CERKL: variants seen among roughly 807,000 people sequenced by gnomAD.
CERKL encodes CERK like autophagy regulator.
A neutral mutation model predicts 63.4 loss-of-function variants in CERKL; 61 were observed. The observed-to-expected ratio is 0.96, with a 90% CI of 0.78 to 1.19. CERKL has a LOEUF of 1.19. CERKL is among the 50% of genes most tolerant of loss of function. The pLI, the probability that CERKL is intolerant of heterozygous loss-of-function variation, is 0.00. For synonymous variants in CERKL, 250 were observed against 230.5 expected (o/e 1.08, Z -0.77); for missense variants, 675 against 655.5 (o/e 1.03, Z -0.33).
intron 1 of CERKL, among the ~76,000 whole-genome samples, chr2:181,628,685 AT>A (rs1686818432): frequency 6.6e-6 from 1 of 152,092 alleles, no homozygotes; most frequent in South Asian, 2.1e-4. Flanking sequence ...GCGCAAGTTC[AT>A]TTTCCTTTTA....
At chr2:181,572,341 T>G (rs971744772) in intron 3 of CERKL, among the ~76,000 whole-genome samples, 1 of 152,336 alleles carries the variant, frequency 6.6e-6, no homozygotes, top group East Asian at 1.9e-4. Flanking sequence ...CCAAGTATGA[T>G]AGCTTATTCA....
intron 2 of CERKL, among the ~76,000 whole-genome samples, chr2:181,576,494 C>G (rs898624523): frequency 6.6e-6 from 1 of 152,116 alleles, no homozygotes; most frequent in Non-Finnish European, 1.5e-5. Flanking sequence ...TTACTTTTAC[C>G]GAAACACGAC....
intron 10 of CERKL, among the ~76,000 whole-genome samples, chr2:181,546,410 T>C (rs990807625): frequency 6.6e-6 from 1 of 152,168 alleles, no homozygotes; most frequent in African/African-American, 2.4e-5. Flanking sequence ...AACTACATTA[T>C]GAAAGCACAC....
At chr2:181,549,258 A>G (rs970491381) in intron 6 of CERKL, among the ~76,000 whole-genome samples, 5 of 152,100 alleles carry the variant, frequency 3.3e-5, no homozygotes, top group Non-Finnish European at 5.9e-5. Flanking sequence ...TTTTCTGGTT[A>G]TGTTTTTTCA....
chr2:181,620,784 G>A (rs143799420), intron 1 of CERKL, among the ~76,000 whole-genome samples: 181 of 152,080 alleles, frequency 1.2e-3, no homozygotes, highest in African/African-American at 4.1e-3. Context: ...GGGAATAGAG[G>A]GAAGATAAAA....
At chr2:181,652,711 T>C (rs978292078) in intron 1 of CERKL, among the ~76,000 whole-genome samples, 2 of 151,492 alleles carry the variant, frequency 1.3e-5, no homozygotes, top group African/African-American at 2.4e-5. Context: ...TTGCAATCTA[T>C]ACATGCGACA....
chr2:181,646,186 G>A (rs1004096085), intron 1 of CERKL, among the ~76,000 whole-genome samples: 4 of 152,178 alleles, frequency 2.6e-5, no homozygotes, highest in African/African-American at 7.2e-5. Flanking sequence ...GGATTGGTGG[G>A]TGTTTAGAAA....
intron 1 of CERKL, among the ~76,000 whole-genome samples, chr2:181,654,203 T>C (rs1169151253): frequency 6.6e-6 from 1 of 150,848 alleles, no homozygotes; most frequent in Admixed American, 6.6e-5. Context: ...ACTTTGTGCC[T>C]CCCAAATTGA....
chr2:181,648,045 C>A (rs1390309275), intron 1 of CERKL, among the ~76,000 whole-genome samples: 2 of 151,650 alleles, frequency 1.3e-5, no homozygotes, highest in African/African-American at 2.4e-5. Context: ...AAAAACTAAG[C>A]AAAGAAATTT....
chr2:181,545,854 T>C (rs1687704658), intron 10 of CERKL, among the ~76,000 whole-genome samples: 1 of 152,202 alleles, frequency 6.6e-6, no homozygotes, highest in African/African-American at 2.4e-5. Context: ...TTACTTGAAA[T>C]AGAAACACAA....
At chr2:181,538,296 C>T (rs1030087021) in intron 12 of CERKL, 52 bp from the exon 13 acceptor site, 13 of 1,061,574 alleles carry the variant, frequency 1.2e-5, no homozygotes, top group Admixed American at 8.6e-5. Context: ...TTTTCACATA[C>T]ACCTAATAAG....
At chr2:181,646,429 C>G (rs915269225) in intron 1 of CERKL, among the ~76,000 whole-genome samples, 1 of 152,204 alleles carries the variant, frequency 6.6e-6, no homozygotes. Context: ...ACAGCTGATG[C>G]TGAATAATTA....
intron 10 of CERKL, 43 bp from the exon 11 acceptor site, chr2:181,544,839 G>C (rs748855871): frequency 8.4e-7 from 1 of 1,192,320 alleles, no homozygotes; most frequent in South Asian, 1.3e-5. Flanking sequence ...AATTTACTAA[G>C]AGATTATACC....
chr2:181,623,603 A>G (rs887396386), intron 1 of CERKL, among the ~76,000 whole-genome samples: 11 of 152,226 alleles, frequency 7.2e-5, no homozygotes, highest in Middle Eastern at 3.2e-3. Flanking sequence ...TTCCACACAG[A>G]GAAGCCTTTT....
chr2:181,639,893 C>T (rs907808423), intron 1 of CERKL, among the ~76,000 whole-genome samples: 1 of 152,226 alleles, frequency 6.6e-6, no homozygotes, highest in Non-Finnish European at 1.5e-5. Context: ...TAAGTGTTCA[C>T]TATTTTCAGT....
At chr2:181,608,869 A>T (rs1271885079) in intron 1 of CERKL, among the ~76,000 whole-genome samples, 1 of 152,202 alleles carries the variant, frequency 6.6e-6, no homozygotes, top group Non-Finnish European at 1.5e-5. Flanking sequence ...CCTAATAAAA[A>T]ATATGCAGTG....
chr2:181,588,650 G>A (rs1684862350), intron 2 of CERKL, among the ~76,000 whole-genome samples: 1 of 152,132 alleles, frequency 6.6e-6, no homozygotes, highest in Admixed American at 6.5e-5. Flanking sequence ...ACTTTAAACT[G>A]TTTGAGGAAC....
chr2:181,590,014 T>C (rs1344325922), intron 2 of CERKL, among the ~76,000 whole-genome samples: 1 of 151,956 alleles, frequency 6.6e-6, no homozygotes, highest in Non-Finnish European at 1.5e-5. Flanking sequence ...GAGAGAGGTT[T>C]TTCCCATGTT....
rs143861635 is a variant in CERKL at position 181,647,807 on chromosome 2, T to C, written c.238+8962A>G. 4.3e-3 allele frequency among the ~76,000 whole-genome samples: 657 copies of C among 151,984 alleles called. 2 individuals are homozygous for C. The highest frequency in any genetic ancestry group is 0.015 in the African/African-American group (637 of 41,450). ...ATGCCTGAAACAAAATTAAAAATAA[T>C]GATCTTAAAAAAATTCAGCAGGCTA... On this transcript the variant is annotated intron_variant, in intron 1 of 12. Coordinates refer to ENST00000410087, the MANE Select transcript of CERKL (RefSeq NM_201548.5).
Sources: gnomAD v4.1 joint callset for allele counts (sites outside exome capture counted in the v4.1 genomes callset) on GRCh38, gnomAD v4.1.1 for gene constraint, MANE v1.5 for transcripts, NCBI Gene and HGNC (gene_info 2026-07-23, HGNC 2026-07-21) for gene names.